FOXA1: variants seen among roughly 807,000 people sequenced by gnomAD.
FOXA1 encodes the protein forkhead box A1.
FOXA1 carries 9 observed loss-of-function variants against 29.2 expected under a neutral mutation model. That is an observed-to-expected ratio of 0.31 (90% CI 0.19 to 0.54). FOXA1 has a LOEUF of 0.54. FOXA1 is among the 20% of genes least tolerant of loss of function. FOXA1 has a pLI of 0.95. For synonymous variants in FOXA1, 340 were observed against 300.9 expected (o/e 1.13, Z -1.34); for missense variants, 644 against 681.2 (o/e 0.95, Z 0.61).
At position 37,591,587 on chromosome 14, in the gene FOXA1, C is replaced by T. The variant is rs2139180078; in HGVS notation, c.1197G>A (p.Pro399=). ...KGDPHYSFNH[P]FSINNLMSSS... is the part of the protein sequence containing the mutation. ...AGGACATGAGGTTGTTGATGGAGAA[C>T]GGGTGGTTGAAGGAGTAGTGGGGGT... is the stretch of plus-strand genomic sequence containing the variant. The change falls in exon 2 of 2, where the codon CCG becomes CCA. Residue 399 remains proline, a synonymous_variant. Transcript: ENST00000250448. The T allele has an allele frequency of 1.2e-6, 2 of 1,613,944 alleles. No individual in the cohort carries two copies. The highest frequency in any genetic ancestry group is 1.7e-6 in the Non-Finnish European group (2 of 1,179,906).
chr14:37,589,969 A>T lies in FOXA1; in HGVS notation c.*1396T>A. 4.3e-6 allele frequency: 1 copy of T among 232,218 alleles called. No individual in the cohort carries two copies. Among genetic ancestry groups the T allele is most frequent in the African/African-American group, 2.2e-5 (1 of 45,440 alleles). 14.4% of individuals were successfully genotyped at this position (232,218 alleles called of 1,614,324 possible). A position where few individuals can be genotyped will look rare whatever the true frequency, so the allele number is the denominator to read the frequency against. On this transcript the variant is annotated 3_prime_UTR_variant, in exon 2 of 2. Transcript: ENST00000250448. ...TTCGGATTTAGTTAAGTGAAAAAAA[A>T]TAACAGAAATGCTCTTTTGTTAACA...
Position 37,595,045 on chromosome 14 carries a change from G to A in FOXA1, c.-73C>T, listed in dbSNP as rs2095600965. ...ACGGGCGGCCGCGCGGCGCGGGGCG[G>A]GGGAGGGGAGCTGAGCAGCTGCAGT... On this transcript the variant is annotated 5_prime_UTR_variant, in exon 1 of 2. Coordinates refer to ENST00000250448, the MANE Select transcript of FOXA1 (RefSeq NM_004496.5). 4.2e-6 allele frequency: 6 copies of A among 1,416,236 alleles called. No homozygotes were observed. In the Admixed American group the frequency reaches 5.8e-5, roughly 14 times the overall value. 87.7% of individuals were successfully genotyped at this position (1,416,236 alleles called of 1,614,324 possible). A position where few individuals can be genotyped will look rare whatever the true frequency, so the allele number is the denominator to read the frequency against.
In FOXA1 at chr14:37,592,518, G is replaced by A. The variant is rs1231025559; in HGVS notation, c.266C>T (p.Ser89Leu). 1.1e-5 allele frequency: 17 copies of A among 1,612,872 alleles called. No individual in the cohort carries two copies. Among genetic ancestry groups the A allele is most frequent in the Non-Finnish European group, 1.4e-5 (17 of 1,179,644 alleles). Residue 89 changes from serine to leucine, a missense_variant, in exon 2 of 2, where the codon TCG becomes TTG. Coordinates refer to ENST00000250448, the MANE Select transcript of FOXA1 (RefSeq NM_004496.5). ...AGTCATGCTGTTCATGGCGCCCGCC[G>A]AGCCCCCCGGCATGCCGGCTACTGC... ...PGAVAGMPGG[S>L]AGAMNSMTAA...
chr14:37,594,810 C>A, intron 1 of FOXA1, 91 bp downstream of exon 1: 2 of 1,119,254 alleles, frequency 1.8e-6, no homozygotes, highest in Non-Finnish European at 2.3e-6. Flanking sequence ...GCCCGCCTGC[C>A]TGCCTTGCCT....
chr14:37,592,248 A>G lies in FOXA1; in HGVS notation c.536T>C (p.Ile179Thr). Residue 179 changes from isoleucine (I) to threonine (T), a missense_variant, in exon 2 of 2, where the codon ATC (isoleucine) becomes ACC (threonine). Coordinates refer to ENST00000250448, the MANE Select transcript of FOXA1 (RefSeq NM_004496.5). ...GGGCGCCTGCTGGATGGCCATGGTG[A>G]TGAGCGAGATGTACGAGTAGGGCGG... ...AKPPYSYISLITMAIQQAPSK... is the reference protein window; with the variant it reads ...AKPPYSYISLTTMAIQQAPSK... 6.2e-7 allele frequency: 1 copy of G among 1,613,918 alleles called. No individual in the cohort carries two copies. Among genetic ancestry groups the G allele is most frequent in the Non-Finnish European group, 8.5e-7 (1 of 1,179,892 alleles).
chr14:37,591,047 G>A lies in FOXA1; in HGVS notation c.*318C>T. On this transcript the variant is annotated 3_prime_UTR_variant, in exon 2 of 2. Transcript: ENST00000250448. The stretch of plus-strand genomic sequence containing the variant: ...CCTCCACAAACTAGAATGTCTGGAG[G>A]GGAAAGAGGGAAGAAAGAGAGGGGG... The A allele has an allele frequency of 4.3e-6, 2 of 460,108 alleles. No homozygotes were observed. The highest frequency in any genetic ancestry group is 7.7e-5 in the East Asian group (2 of 26,020). The allele number at this position is 460,108 out of a possible 1,614,324, so 28.5% of individuals were successfully genotyped here.
chr14:37,595,081 C>G lies in FOXA1; in HGVS notation c.-109G>C. 1.1e-6 allele frequency: 1 copy of G among 870,374 alleles called. No homozygotes were observed. The highest frequency in any genetic ancestry group is 1.6e-6 in the Non-Finnish European group (1 of 612,492). The allele number at this position is 870,374 out of a possible 1,614,324, so 53.9% of individuals were successfully genotyped here. A position where few individuals can be genotyped will look rare whatever the true frequency, so the allele number is the denominator to read the frequency against. On this transcript the variant is annotated 5_prime_UTR_variant, in exon 1 of 2. Coordinates refer to ENST00000250448, the MANE Select transcript of FOXA1 (RefSeq NM_004496.5). ...CTGAGCAGCTGCAGTCACCCGAGCG[C>G]CCGCGCGGGCCCAACGCCACCCGGG...
rs2139182659 is a variant in FOXA1, at chr14:37,592,229, C to T, written c.555G>A (p.Gln185=). 2 of 1,613,890 alleles carry T rather than the reference C, an allele frequency of 1.2e-6. No homozygotes were observed. Among genetic ancestry groups the T allele is most frequent in the Non-Finnish European group, 1.7e-6 (2 of 1,179,888 alleles). ...YISLITMAIQ[Q]APSKMLTLSE... is the part of the protein sequence containing the mutation. ...TCAGCGTGAGCATCTTGCTGGGCGC[C>T]TGCTGGATGGCCATGGTGATGAGCG... Residue 185 remains glutamine (Q), a synonymous_variant, in exon 2 of 2, where the codon CAG becomes CAA. Transcript: ENST00000250448.
At position 37,595,002 on chromosome 14, in the gene FOXA1, C is replaced by T; in HGVS notation, c.-30G>A. The stretch of plus-strand genomic sequence containing the variant: ...GAGCCACCCTGCCCAATACAACCAT[C>T]CAGCCCTGTGCGAAGCGACGGGCGG... On this transcript the variant is annotated 5_prime_UTR_variant, in exon 1 of 2. Coordinates refer to ENST00000250448, the MANE Select transcript of FOXA1 (RefSeq NM_004496.5). The T allele has an allele frequency of 6.4e-7, 1 of 1,558,426 alleles. No individual in the cohort carries two copies. The highest frequency in any genetic ancestry group is 1.1e-5 in the South Asian group (1 of 88,060).
In FOXA1 at chr14:37,591,137, G is replaced by C; in HGVS notation, c.*228C>G. 3 of 603,524 alleles carry C rather than the reference G, an allele frequency of 5.0e-6. No homozygotes were observed. The highest frequency in any genetic ancestry group is 4.0e-5 in the South Asian group (2 of 50,456). The allele number at this position is 603,524 out of a possible 1,614,324, so 37.4% of individuals were successfully genotyped here. On this transcript the variant is annotated 3_prime_UTR_variant, in exon 2 of 2. Transcript: ENST00000250448. ...CATTAAACTTCGCAGGAAAAAAATT[G>C]GTTTGGGGTTGTCTTTGTAGTAATA...
rs2095594697 is a variant in FOXA1, at chr14:37,590,706, A to T, written c.*659T>A. ...TGTCTACACATCTGAGCATGTGCAT[A>T]ATTAAGTCCATACACAATATACATG... On this transcript the variant is annotated 3_prime_UTR_variant, in exon 2 of 2. Transcript: ENST00000250448. The T allele has an allele frequency of 4.3e-6, 1 of 233,482 alleles. No homozygotes were observed. The highest frequency in any genetic ancestry group is 8.5e-6 in the Non-Finnish European group (1 of 118,096). The allele number at this position is 233,482 out of a possible 1,614,324, so 14.5% of individuals were successfully genotyped here. A position where few individuals can be genotyped will look rare whatever the true frequency, so the allele number is the denominator to read the frequency against.
Position 37,591,466 on chromosome 14 carries a change from C to G in FOXA1, c.1318G>C (p.Gly440Arg). ...CTCCTGGTGGTCACCGAGGCGCTGC[C>G]TAGAGGCAGGCTGGCGGGCAACGTA... ...GSTLPASLPL[G>R]SASVTTRSPI... Residue 440 changes from glycine to arginine, a missense_variant, in exon 2 of 2, where the codon GGC becomes CGC. This residue lies in a region of FOXA1 where 295 missense variants were observed against 294.4 expected (regional missense o/e 1.00). Coordinates refer to ENST00000250448, the MANE Select transcript of FOXA1 (RefSeq NM_004496.5). The G allele has an allele frequency of 1.2e-6, 2 of 1,614,222 alleles. No homozygotes were observed. Among genetic ancestry groups the G allele is most frequent in the Non-Finnish European group, 1.7e-6 (2 of 1,180,050 alleles).
rs1293666001 is a variant in FOXA1 at position 37,591,409 on chromosome 14, AC to A, written c.1374del (p.Tyr459ThrfsTer11). 6.2e-7 allele frequency: 1 copy of A among 1,614,060 alleles called. No individual in the cohort carries two copies. Among genetic ancestry groups the A allele is most frequent in the Non-Finnish European group, 8.5e-7 (1 of 1,180,034 alleles). The stretch of plus-strand genomic sequence containing the variant: ...GGTCTGGAATACACACCTTGGTAGT[AC>A]GCCGGCTCCAGGGCTGAGGGCTCGA... ...SPIEPSALEP[A>X]YYQGVYSRPV... On this transcript the variant is annotated frameshift_variant, in exon 2 of 2. Coordinates refer to ENST00000250448, the MANE Select transcript of FOXA1 (RefSeq NM_004496.5). LOFTEE classifies it high-confidence loss of function.
chr14:37,593,127 A>C (rs1041190480), intron 1 of FOXA1, among the ~76,000 whole-genome samples: 1 of 151,796 alleles, frequency 6.6e-6, no homozygotes, highest in Non-Finnish European at 1.5e-5. Context: ...TGGACATGGG[A>C]CCCCCTGAAT....
In FOXA1 at chr14:37,592,710, G is replaced by C; in HGVS notation, c.74C>G (p.Ala25Gly). Residue 25 changes from alanine (A) to glycine (G), a missense_variant and splice_region_variant, in exon 2 of 2, where the codon GCC becomes GGC. Coordinates refer to ENST00000250448, the MANE Select transcript of FOXA1 (RefSeq NM_004496.5). ...WNSYYADTQE[A>G]YSSVPVSNMN... ...GTTGCTGACCGGGACGGAGGAGTAG[G>C]CCTGGAGTGGAGACAGCGAGTGAAG... 1.9e-6 allele frequency: 3 copies of C among 1,611,362 alleles called. No individual in the cohort carries two copies. The highest frequency in any genetic ancestry group is 1.1e-5 in the South Asian group (1 of 91,086).
Position 37,591,833 on chromosome 14 carries a change from G to A in FOXA1, c.951C>T (p.Thr317=), listed in dbSNP as rs1255180233. The part of the protein sequence containing the change: ...SPLHRGVHGK[T]GQLEGAPAPG... ...GGGCCGGCGCGCCCTCTAGCTGGCC[G>A]GTCTTCCCGTGCACACCCCGATGGA... is the stretch of plus-strand genomic sequence containing the variant. Residue 317 remains threonine (T), a synonymous_variant, in exon 2 of 2, where the codon ACC becomes ACT. Transcript: ENST00000250448. 6.9e-7 allele frequency: 1 copy of A among 1,455,316 alleles called. No homozygotes were observed. The highest frequency in any genetic ancestry group is 1.5e-5 in the South Asian group (1 of 68,654). The allele number at this position is 1,455,316 out of a possible 1,614,324, so 90.2% of individuals were successfully genotyped here.
chr14:37,594,872 C>T, intron 1 of FOXA1, 29 bp downstream of exon 1: 1 of 1,543,222 alleles, frequency 6.5e-7, no homozygotes, highest in Non-Finnish European at 8.8e-7. Context: ...CGGCGCCCCA[C>T]CGGCCGCCCG....
At position 37,592,061 on chromosome 14, in the gene FOXA1, G is replaced by A. The variant is rs2095596336; in HGVS notation, c.723C>T (p.Gly241=). The A allele has an allele frequency of 6.2e-7, 1 of 1,610,298 alleles. No individual in the cohort carries two copies. Among genetic ancestry groups the A allele is most frequent in the Admixed American group, 1.7e-5 (1 of 59,870 alleles). The change falls in exon 2 of 2, where the codon GGC becomes GGT. Residue 241 remains glycine (G), a synonymous_variant. Transcript: ENST00000250448. ...VARSPDKPGK[G]SYWTLHPDSG... ...AGTCCGGGTGCAGCGTCCAGTAGGA[G>A]CCCTTGCCCGGCTTGTCCGGGGAGC...
At chr14:37,594,210 G>A (rs1488762753) in intron 1 of FOXA1, 5 of 1,285,100 alleles carry the variant, frequency 3.9e-6, no homozygotes, top group Non-Finnish European at 5.1e-6. Context: ...ATAGGTGGTA[G>A]TCCTCCCTGT....
Sources: gnomAD v4.1 joint callset for allele counts (sites outside exome capture counted in the v4.1 genomes callset) on GRCh38, gnomAD v4.1.1 for gene constraint, gnomAD v4.1.1 regional missense constraint, MANE v1.5 for transcripts, NCBI Gene and HGNC (gene_info 2026-07-23, HGNC 2026-07-21) for gene names.